Variants in ACTR3C observed in about 807,000 individuals in gnomAD.
ACTR3C encodes actin-related protein 3C.
A neutral mutation model predicts 26.3 loss-of-function variants in ACTR3C; 18 were observed. The observed-to-expected ratio is 0.68, with a 90% confidence interval of 0.47 to 1.01. The LOEUF (loss-of-function observed/expected upper bound fraction) is 1.01, where lower values mean the gene tolerates loss of function less well. Ranked by LOEUF, ACTR3C falls within the 50% of genes least tolerant of loss-of-function variation. The probability of loss-of-function intolerance (pLI) is 0.00; values close to 1 mark genes in which losing one functional copy is unlikely to be tolerated. For synonymous variants in ACTR3C, 55 were observed against 94.5 expected, an observed-to-expected ratio of 0.58 and a Z score of 2.42; for missense variants, 184 against 250.7, an observed-to-expected ratio of 0.73 and a Z score of 1.80.
At chr7:150,311,769 T>G (rs7781827) in intron 1 of ACTR3C, among the ~76,000 whole-genome samples, 4 of 152,066 alleles carry the variant, frequency 2.6e-5, no homozygotes, top group African/African-American at 4.8e-5. Flanking sequence ...TGTTGTGTCC[T>G]GTACCTCTAT....
chr7:150,147,429 CATTT>C, the ACTR3C span, among the ~76,000 whole-genome samples: 7 of 152,212 alleles, frequency 4.6e-5, no homozygotes, highest in African/African-American at 1.7e-4. Flanking sequence ...GATCAAACTA[CATTT>C]ATTTCAGTGA....
chr7:150,037,098 T>A, the ACTR3C span, among the ~76,000 whole-genome samples: 1 of 88,966 alleles, frequency 1.1e-5, no homozygotes. Context: ...ATGGGGGTCC[T>A]AAGAGCCAGG....
the ACTR3C span, among the ~76,000 whole-genome samples, chr7:150,046,350 C>A: frequency 1.7e-5 from 1 of 58,782 alleles, no homozygotes; most frequent in African/African-American, 4.9e-5. Flanking sequence ...TCTCACCGCC[C>A]CCCCCCCCCC....
At chr7:149,991,698 G>A in the ACTR3C span, among the ~76,000 whole-genome samples, 1 of 152,204 alleles carries the variant, frequency 6.6e-6, no homozygotes, top group Non-Finnish European at 1.5e-5. Context: ...CGTGTCAGAG[G>A]GAACAAGGGT....
chr7:149,898,508 A>T, the ACTR3C span, among the ~76,000 whole-genome samples: 1 of 152,160 alleles, frequency 6.6e-6, no homozygotes, highest in African/African-American at 2.4e-5. Context: ...GATCGAGACC[A>T]TCCTGGCCAA....
At chr7:150,173,854 G>T in the ACTR3C span, among the ~76,000 whole-genome samples, 1 of 136,736 alleles carries the variant, frequency 7.3e-6, no homozygotes. Context: ...TAGGGCAGGG[G>T]CAAAATGCCA....
At chr7:150,220,080 C>A in the ACTR3C span, among the ~76,000 whole-genome samples, 1 of 147,500 alleles carries the variant, frequency 6.8e-6, no homozygotes. Context: ...CCCCTGCGAT[C>A]CGCCAACCAT....
At chr7:150,110,781 T>A in the ACTR3C span, among the ~76,000 whole-genome samples, 24 of 93,940 alleles carry the variant, frequency 2.6e-4, no homozygotes, top group African/African-American at 1.1e-3. Context: ...TGGCTCTGGC[T>A]GGCAGAGGCA....
At chr7:149,944,089 T>C in the ACTR3C span, among the ~76,000 whole-genome samples, 5,904 of 112,364 alleles carry the variant, frequency 0.053, 328 homozygotes, top group African/African-American at 0.16. Flanking sequence ...GGAAAGCCGA[T>C]TCAGCCAGTG....
the ACTR3C span, among the ~76,000 whole-genome samples, chr7:150,095,273 G>A: frequency 2.0e-5 from 3 of 149,766 alleles, no homozygotes; most frequent in African/African-American, 5.1e-5. Flanking sequence ...ACCACCAAGC[G>A]TTCGACCTTT....
At chr7:149,889,293 G>A in the ACTR3C span, among the ~76,000 whole-genome samples, 1 of 152,118 alleles carries the variant, frequency 6.6e-6, no homozygotes, top group Non-Finnish European at 1.5e-5. Flanking sequence ...AGAGCAAAAT[G>A]TCAAAGTGTT....
At chr7:150,152,116 T>C in the ACTR3C span, among the ~76,000 whole-genome samples, 24 of 152,148 alleles carry the variant, frequency 1.6e-4, no homozygotes, top group African/African-American at 5.5e-4. Flanking sequence ...CTTTTCCTAA[T>C]TGAATACCCT....
chr7:150,122,290 A>AAACAAAACAAAACAAAACAG, the ACTR3C span, among the ~76,000 whole-genome samples: 8 of 150,604 alleles, frequency 5.3e-5, no homozygotes, highest in Admixed American at 5.3e-4. Flanking sequence ...AAACAAAACA[A>AAACAAAACAAAACAAAACAG]AAAACAACTA....
At chr7:150,039,810 C>A in the ACTR3C span, among the ~76,000 whole-genome samples, 3 of 131,622 alleles carry the variant, frequency 2.3e-5, no homozygotes, top group Non-Finnish European at 3.4e-5. Flanking sequence ...TCAGTCCCTG[C>A]CTCGCGGGGG....
the ACTR3C span, among the ~76,000 whole-genome samples, chr7:150,194,049 C>G: frequency 6.7e-6 from 1 of 148,532 alleles, no homozygotes; most frequent in Non-Finnish European, 1.5e-5. Flanking sequence ...CAGTCTGTAA[C>G]CACAATTGAG....
chr7:149,948,679 A>G, the ACTR3C span, among the ~76,000 whole-genome samples: 7,402 of 146,254 alleles, frequency 0.051, 214 homozygotes, highest in African/African-American at 0.17. Context: ...ACCTCCCATT[A>G]CTCCCCAGGC....
At chr7:150,033,995 G>C in the ACTR3C span, among the ~76,000 whole-genome samples, 1 of 150,344 alleles carries the variant, frequency 6.7e-6, no homozygotes, top group Admixed American at 6.6e-5. Context: ...GCCTCGGGGG[G>C]ATTGCCTGCC....
chr7:150,165,951 T>G, the ACTR3C span, among the ~76,000 whole-genome samples: 20 of 151,738 alleles, frequency 1.3e-4, no homozygotes, highest in African/African-American at 4.9e-4. Flanking sequence ...CTTCCTTGAT[T>G]CCTTCTCATG....
At chr7:149,919,677 C>G in the ACTR3C span, among the ~76,000 whole-genome samples, 1 of 142,124 alleles carries the variant, frequency 7.0e-6, no homozygotes, top group African/African-American at 2.6e-5. Context: ...ATCTCAGGTG[C>G]AACAGTCTTA....
Sources: gnomAD v4.1 joint callset for allele counts (sites outside exome capture counted in the v4.1 genomes callset) on GRCh38, gnomAD v4.1.1 for gene constraint, MANE v1.5 for transcripts, NCBI Gene and HGNC (gene_info 2026-07-23, HGNC 2026-07-21) for gene names.